Variants in GRB10 observed in about 807,000 individuals in gnomAD.
GRB10 encodes the protein growth factor receptor-bound protein 10.
A neutral mutation model predicts 80.9 loss-of-function variants in GRB10; 20 were observed. The observed-to-expected ratio is 0.25, with a 90% confidence interval of 0.17 to 0.36. The LOEUF is 0.36. Ranked by LOEUF, GRB10 falls within the 10% of genes least tolerant of loss-of-function variation. The pLI, the probability that GRB10 is intolerant of heterozygous loss-of-function variation, is 1.00. For synonymous variants in GRB10, 291 were observed against 291.5 expected (o/e 1.00, Z 0.02); for missense variants, 548 against 747.7 (o/e 0.73, Z 3.12).
chr7:50,598,107 G>A (rs796427664), intron 17 of GRB10, among the ~76,000 whole-genome samples: 27 of 152,130 alleles, frequency 1.8e-4, no homozygotes, highest in African/African-American at 6.3e-4. Context: ...CAGGTGACCC[G>A]CCCACCTCGG....
chr7:50,712,602 A>C (rs2066068376), intron 4 of GRB10, among the ~76,000 whole-genome samples: 1 of 152,246 alleles, frequency 6.6e-6, no homozygotes, highest in Non-Finnish European at 1.5e-5. Context: ...CACTAAAATC[A>C]TACGGCCTAA....
intron 3 of GRB10, among the ~76,000 whole-genome samples, chr7:50,739,187 T>C (rs1158609165): frequency 6.6e-6 from 1 of 152,188 alleles, no homozygotes; most frequent in African/African-American, 2.4e-5. Context: ...GGTTGTTTTT[T>C]GTTTTTCCAT....
At chr7:50,774,361 T>C (rs2077357840) in intron 2 of GRB10, among the ~76,000 whole-genome samples, 1 of 152,260 alleles carries the variant, frequency 6.6e-6, no homozygotes, top group African/African-American at 2.4e-5. Context: ...TCTGCAGTTA[T>C]AACAAAATAC....
chr7:50,602,472 T>C (rs1377550158), intron 17 of GRB10, among the ~76,000 whole-genome samples: 1 of 152,128 alleles, frequency 6.6e-6, no homozygotes, highest in Non-Finnish European at 1.5e-5. Flanking sequence ...GATCACACCA[T>C]GACCACCACT....
At chr7:50,612,950 C>T (rs2049851068) in intron 12 of GRB10, 111 bp from the exon 13 acceptor site, 1 of 740,202 alleles carries the variant, frequency 1.4e-6, no homozygotes, top group African/African-American at 1.7e-5. Context: ...CTGGAGATCC[C>T]CCTAGCAAGG....
At position 50,595,609 on chromosome 7, in the gene GRB10, A is replaced by G. The variant is rs940837319; in HGVS notation, c.1545-79T>C. 1.2e-4 allele frequency: 90 copies of G among 722,876 alleles called. 1 individual carries two copies. The highest frequency in any genetic ancestry group is 2.5e-4 in the Middle Eastern group (1 of 3,944). The allele number at this position is 722,876 out of a possible 1,614,324, so 44.8% of individuals were successfully genotyped here. A position where few individuals can be genotyped will look rare whatever the true frequency, so the allele number is the denominator to read the frequency against. ...CACACACACACACTCTCTTACACAC[A>G]CACACACACACACACACACACACAC... On this transcript the variant is annotated intron_variant, in intron 17 of 18. Transcript: ENST00000401949.
intron 13 of GRB10, among the ~76,000 whole-genome samples, chr7:50,610,944 A>G (rs1319652170): frequency 6.6e-6 from 1 of 152,184 alleles, no homozygotes; most frequent in Non-Finnish European, 1.5e-5. Context: ...CCAAAGTAAT[A>G]GAATTCATAG....
chr7:50,710,125 C>T lies in GRB10; in HGVS notation c.52-6217G>A, dbSNP rs144712035. On this transcript the variant is annotated intron_variant, in intron 4 of 18. Coordinates refer to ENST00000401949, the MANE Select transcript of GRB10 (RefSeq NM_001350814.2). ...AACCCCAACGAAAAGTCTACCTCCT[C>T]GTACCTTACCCAGCAGCCCTGCTTT... Among the ~76,000 whole-genome samples, 262 of 152,238 alleles carry T rather than the reference C, an allele frequency of 1.7e-3. 3 individuals carry two copies. The highest frequency in any genetic ancestry group is 6.1e-3 in the African/African-American group (255 of 41,536).
At chr7:50,668,528 T>C (rs1177766545) in intron 7 of GRB10, among the ~76,000 whole-genome samples, 3 of 152,300 alleles carry the variant, frequency 2.0e-5, no homozygotes, top group East Asian at 1.9e-4. Context: ...GGGGCCTCCC[T>C]TCCCTCAACT....
rs144731673 is a variant in GRB10 at position 50,730,981 on chromosome 7, C to T, written c.51+1291G>A. Among the ~76,000 whole-genome samples the T allele has an allele frequency of 7.3e-3, 1,110 of 152,242 alleles. 16 individuals are homozygous for T. The highest frequency in any genetic ancestry group is 0.025 in the African/African-American group (1,055 of 41,536). Reference sequence around the variant, plus strand: ...CAGGGGTGAAGGGTGCAGTCGGGCCCGGACAACTAGCTAACACTAACTGGC... The same window carrying T: ...CAGGGGTGAAGGGTGCAGTCGGGCCTGGACAACTAGCTAACACTAACTGGC... On this transcript the variant is annotated intron_variant, in intron 4 of 18. Coordinates refer to ENST00000401949, the MANE Select transcript of GRB10 (RefSeq NM_001350814.2).
At chr7:50,599,582 T>C (rs2047250096) in intron 17 of GRB10, among the ~76,000 whole-genome samples, 2 of 152,168 alleles carry the variant, frequency 1.3e-5, no homozygotes, top group Admixed American at 1.3e-4. Context: ...GAGCTGGAAA[T>C]GACAGCCTTG....
intron 2 of GRB10, among the ~76,000 whole-genome samples, chr7:50,775,121 A>C (rs2153710938): frequency 7.2e-6 from 1 of 139,526 alleles, no homozygotes; most frequent in South Asian, 2.4e-4. Flanking sequence ...AGATCACACC[A>C]CTGTACTCCA....
At chr7:50,654,968 A>G (rs1159313534) in intron 7 of GRB10, among the ~76,000 whole-genome samples, 4 of 152,224 alleles carry the variant, frequency 2.6e-5, no homozygotes, top group Admixed American at 6.5e-5. Context: ...AGAAAAGGGA[A>G]AAAAAACAAA....
At position 50,669,817 on chromosome 7, in the gene GRB10, C is replaced by A. The variant is rs754039346; in HGVS notation, c.409G>T (p.Ala137Ser). ...AGTTCAGGAAAAGGATTGGGGATGG[C>A]CGGCAGAGATGAGGTTCTAAACTGC... ...DQQFRTSSLP[A>S]IPNPFPELCG... is the part of the protein sequence containing the mutation. Residue 137 changes from alanine (A) to serine (S), a missense_variant, in exon 7 of 19, where the codon GCC (alanine) becomes TCC (serine). Ala to Ser is a moderately conservative substitution (Grantham distance 99, BLOSUM62 1). Coordinates refer to ENST00000401949, the MANE Select transcript of GRB10 (RefSeq NM_001350814.2). The A allele has an allele frequency of 1.9e-6, 3 of 1,613,660 alleles. No homozygotes were observed. The South Asian group carries it at 3.3e-5, about 18-fold the overall frequency.
Position 50,703,897 on chromosome 7 carries a change from C to G in GRB10, c.63G>C (p.Glu21Asp). The change falls in exon 5 of 19, where the codon GAG becomes GAC. Residue 21 changes from glutamate to aspartate, a missense_variant. Around this residue, in one of 4 missense-constraint regions of GRB10, gnomAD observed 245 missense variants for 229.3 expected, o/e 1.07. Transcript: ENST00000401949. ...GGTCTTGTTGACTGCGAGGTGTCTG[C>G]TCCACCTTGTCCTAAAAAAACAGGA... The part of the protein sequence containing the change: ...LHHPYYQDKV[E>D]QTPRSQQDPA... 6.2e-7 allele frequency: 1 copy of G among 1,612,966 alleles called. No individual in the cohort carries two copies. The highest frequency in any genetic ancestry group is 1.1e-5 in the South Asian group (1 of 91,038).
chr7:50,618,112 A>C lies in GRB10; in HGVS notation c.805T>G (p.Trp269Gly). 6.2e-7 allele frequency: 1 copy of C among 1,614,082 alleles called. No individual in the cohort carries two copies. Among genetic ancestry groups the C allele is most frequent in the Non-Finnish European group, 8.5e-7 (1 of 1,179,928 alleles). ...TGACTGCCATTTGACTGCTGGCACC[A>C]AGTAACCATCTGTTCTGGGAAGAAA... ...MNFFPEQMVT[W>G]CQQSNGSQTQ... is the part of the protein sequence containing the mutation. Residue 269 changes from tryptophan (W) to glycine (G), a missense_variant, in exon 10 of 19, where the codon TGG (tryptophan) becomes GGG (glycine). Trp to Gly is a radical substitution (Grantham distance 184). Around this residue, in one of 4 missense-constraint regions of GRB10, gnomAD observed 270 missense variants for 433.6 expected, o/e 0.62. Transcript: ENST00000401949.
At chr7:50,668,897 T>C (rs1428707739) in intron 7 of GRB10, among the ~76,000 whole-genome samples, 2 of 152,252 alleles carry the variant, frequency 1.3e-5, no homozygotes, top group Non-Finnish European at 2.9e-5. Context: ...ACAATGGTTG[T>C]GTCCTATCTA....
chr7:50,707,425 C>G (rs2065190379), intron 4 of GRB10, among the ~76,000 whole-genome samples: 1 of 152,220 alleles, frequency 6.6e-6, no homozygotes, highest in Admixed American at 6.5e-5. Context: ...CACAGAGCTG[C>G]CCGCTCCCGG....
intron 1 of GRB10, among the ~76,000 whole-genome samples, chr7:50,789,373 A>G (rs2078820864): frequency 6.6e-6 from 1 of 152,234 alleles, no homozygotes; most frequent in African/African-American, 2.4e-5. Context: ...GCATCGTGCC[A>G]ATCACACACA....
Sources: gnomAD v4.1 joint callset for allele counts (sites outside exome capture counted in the v4.1 genomes callset) on GRCh38, gnomAD v4.1.1 for gene constraint, gnomAD v4.1.1 regional missense constraint, MANE v1.5 for transcripts, NCBI Gene and HGNC (gene_info 2026-07-23, HGNC 2026-07-21) for gene names.